The following ZNF366 variants were observed in gnomAD, a reference collection of about 807,000 sequenced individuals.
The protein encoded by ZNF366 is dendritic cell-specific transcript protein.
Under a neutral mutation model 47.2 loss-of-function variants are expected in ZNF366, and 20 were observed. The ratio of observed to expected loss-of-function variants is 0.42; its 90% confidence interval spans 0.30 to 0.62. The LOEUF (loss-of-function observed/expected upper bound fraction) is 0.62, where lower values mean the gene tolerates loss of function less well. ZNF366 is among the 20% of genes least tolerant of loss of function. The pLI is 0.16. For synonymous variants in ZNF366, 421 were observed against 395.1 expected, an observed-to-expected ratio of 1.07 and a Z score of -0.78; for missense variants, 987 against 976.3, an observed-to-expected ratio of 1.01 and a Z score of -0.15.
In ZNF366 at chr5:72,444,063, C is replaced by A. The variant is rs1246503196; in HGVS notation, c.1928G>T (p.Cys643Phe). Residue 643 changes from cysteine (C) to phenylalanine (F), a missense_variant, in exon 5 of 5, where the codon TGC (cysteine) becomes TTC (phenylalanine). This residue lies in a region of ZNF366 where 285 missense variants were observed against 234.8 expected (regional missense o/e 1.21). Transcript: ENST00000318442. The stretch of plus-strand genomic sequence containing the variant: ...CTTGGTGGACAGATCCTCGGGTGTG[C>A]AGAGCTGCTGGCTCTGGGGGGCCAG... Reference protein sequence around the residue: ...PGLAPQSQQLCTPEDLSTKSE... With the variant: ...PGLAPQSQQLFTPEDLSTKSE... 2 of 1,614,188 alleles carry A rather than the reference C, an allele frequency of 1.2e-6. No homozygotes were observed. The highest frequency in any genetic ancestry group is 1.7e-5 in the Admixed American group (1 of 60,032).
At chr5:72,462,547 C>CTTTCTTTCTTTCTTTCTTTCTTTT (rs11275151) in intron 1 of ZNF366, among the ~76,000 whole-genome samples, 33 of 78,922 alleles carry the variant, frequency 4.2e-4, no homozygotes, top group African/African-American at 1.9e-3. Flanking sequence ...TTCTTTCTTT[C>CTTTCTTTCTTTCTTTCTTTCTTTT]TTTTTTTTTT....
intron 3 of ZNF366, among the ~76,000 whole-genome samples, chr5:72,452,155 G>A (rs1290924444): frequency 6.6e-6 from 1 of 152,318 alleles, no homozygotes; most frequent in East Asian, 1.9e-4. Flanking sequence ...GAGAGCTGTG[G>A]CCTGCAGCTG....
intron 3 of ZNF366, 34 bp downstream of exon 3, chr5:72,456,370 A>C: frequency 6.4e-7 from 1 of 1,561,128 alleles, no homozygotes; most frequent in Non-Finnish European, 8.7e-7. Context: ...GCATTTGCAC[A>C]ACCCTCTGGT....
At chr5:72,471,312 A>G (rs1330765379) in intron 1 of ZNF366, among the ~76,000 whole-genome samples, 1 of 152,032 alleles carries the variant, frequency 6.6e-6, no homozygotes. Flanking sequence ...CCCACTTTAC[A>G]TTTTTATTGT....
At chr5:72,475,190 C>T (rs187397506) in intron 1 of ZNF366, among the ~76,000 whole-genome samples, 5 of 152,264 alleles carry the variant, frequency 3.3e-5, no homozygotes, top group East Asian at 1.9e-4. Context: ...TCCTGAAGCC[C>T]GCAGCCTGAA....
chr5:72,444,202 G>A lies in ZNF366; in HGVS notation c.1789C>T (p.Arg597Cys), dbSNP rs765206236. Reference sequence around the variant, plus strand: ...TGGAACACCGGCACCTTGGCCCGGCGCTTCTGAGAGAGGTCAAAGGGCTCC... The same window carrying A: ...TGGAACACCGGCACCTTGGCCCGGCACTTCTGAGAGAGGTCAAAGGGCTCC... ...QEEPFDLSQK[R>C]RAKVPVFQSD... The change falls in exon 5 of 5, where the codon CGC becomes TGC. Residue 597 changes from arginine to cysteine, a missense_variant. Physicochemically the swap from Arg to Cys is radical, Grantham distance 180. This residue lies in a region of ZNF366 where 285 missense variants were observed against 234.8 expected (regional missense o/e 1.21). Coordinates refer to ENST00000318442, the MANE Select transcript of ZNF366 (RefSeq NM_152625.3). 10 of 1,613,434 alleles carry A rather than the reference G, an allele frequency of 6.2e-6. No individual in the cohort carries two copies. The highest frequency in any genetic ancestry group is 2.7e-5 in the African/African-American group (2 of 75,034).
chr5:72,470,106 A>G (rs1052758700), intron 1 of ZNF366, among the ~76,000 whole-genome samples: 3 of 152,220 alleles, frequency 2.0e-5, no homozygotes, highest in Non-Finnish European at 4.4e-5. Context: ...CATTCTGGCC[A>G]TTAGAAAATA....
intron 1 of ZNF366, among the ~76,000 whole-genome samples, chr5:72,488,596 G>A (rs1743943685): frequency 6.6e-6 from 1 of 152,228 alleles, no homozygotes; most frequent in Admixed American, 6.5e-5. Context: ...CACATCGAAT[G>A]TGTTGAATCC....
rs574096849 is a variant in ZNF366 at position 72,442,187 on chromosome 5, T to C, written c.*1569A>G. On this transcript the variant is annotated 3_prime_UTR_variant, in exon 5 of 5. Coordinates refer to ENST00000318442, the MANE Select transcript of ZNF366 (RefSeq NM_152625.3). ...CAGGTAAGAAAGCCTAAGTCAGCAG[T>C]ATGATTGTGAGGTCTCCTATTCTCA... 6.6e-6 allele frequency: 1 copy of C among 152,334 alleles called. No individual in the cohort carries two copies. Among genetic ancestry groups the C allele is most frequent in the East Asian group, 1.9e-4 (1 of 5,190 alleles). The allele number at this position is 152,334 out of a possible 1,614,324, so 9.4% of individuals were successfully genotyped here. A position where few individuals can be genotyped will look rare whatever the true frequency, so the allele number is the denominator to read the frequency against.
intron 1 of ZNF366, among the ~76,000 whole-genome samples, chr5:72,476,921 G>A (rs1743685335): frequency 6.6e-6 from 1 of 151,978 alleles, no homozygotes; most frequent in Non-Finnish European, 1.5e-5. Flanking sequence ...CTTCTGAAAG[G>A]TCGGGCTGTG....
At chr5:72,485,598 T>A (rs1743875658) in intron 1 of ZNF366, among the ~76,000 whole-genome samples, 3 of 152,280 alleles carry the variant, frequency 2.0e-5, no homozygotes, top group African/African-American at 7.2e-5. Context: ...TCCTGACTCT[T>A]CTCCTGTCTT....
chr5:72,473,732 CGGG>C, intron 1 of ZNF366, among the ~76,000 whole-genome samples: 1 of 152,282 alleles, frequency 6.6e-6, no homozygotes, highest in Middle Eastern at 3.4e-3. Flanking sequence ...CACTGATCCC[CGGG>C]TTAAATGTAT....
In ZNF366 at chr5:72,442,340, AT is replaced by A. The variant is rs929791918; in HGVS notation, c.*1415del. The A allele has an allele frequency of 4.1e-4, 63 of 152,288 alleles. No homozygotes were observed. The highest frequency in any genetic ancestry group is 1.4e-3 in the African/African-American group (60 of 41,552). The allele number at this position is 152,288 out of a possible 1,614,324, so 9.4% of individuals were successfully genotyped here. On this transcript the variant is annotated 3_prime_UTR_variant, in exon 5 of 5. Coordinates refer to ENST00000318442, the MANE Select transcript of ZNF366 (RefSeq NM_152625.3). ...TTCTCAATCTTGGCTGCACATAAGA[AT>A]TGCCAGGAGCAATTTGGAAAATTTC...
intron 1 of ZNF366, among the ~76,000 whole-genome samples, chr5:72,462,791 T>C (rs1216480210): frequency 1.3e-5 from 2 of 152,132 alleles, no homozygotes; most frequent in East Asian, 3.9e-4. Context: ...TCTCAAGTGA[T>C]CCACCCGCCT....
intron 3 of ZNF366, among the ~76,000 whole-genome samples, chr5:72,449,209 A>G (rs1204817303): frequency 6.6e-6 from 1 of 151,558 alleles, no homozygotes; most frequent in African/African-American, 2.4e-5. Context: ...TGTATTTATT[A>G]GCTTAATTTG....
At chr5:72,457,600 T>C (rs1313367554) in intron 2 of ZNF366, among the ~76,000 whole-genome samples, 2 of 152,246 alleles carry the variant, frequency 1.3e-5, no homozygotes, top group African/African-American at 2.4e-5. Context: ...TATGTTTCCA[T>C]TTCTTTACTT....
intron 1 of ZNF366, among the ~76,000 whole-genome samples, chr5:72,485,750 C>G (rs1363092377): frequency 6.6e-6 from 1 of 152,188 alleles, no homozygotes; most frequent in Non-Finnish European, 1.5e-5. Flanking sequence ...CGCGCCGTGG[C>G]CTACAAGTCT....
intron 1 of ZNF366, among the ~76,000 whole-genome samples, chr5:72,474,647 C>T (rs1296049363): frequency 6.6e-6 from 1 of 151,188 alleles, no homozygotes; most frequent in Non-Finnish European, 1.5e-5. Flanking sequence ...CAAATGTACA[C>T]CCATGCACAC....
At chr5:72,456,678 GC>G in intron 2 of ZNF366, 83 bp from the exon 3 acceptor site, 1 of 1,371,180 alleles carries the variant, frequency 7.3e-7, no homozygotes, top group South Asian at 1.7e-5. Context: ...TTTCCTCTCT[GC>G]CACATAAATC....
Sources: allele counts gnomAD v4.1 joint callset (sites outside exome capture counted in the v4.1 genomes callset), GRCh38; gene constraint gnomAD v4.1.1; regional missense constraint gnomAD v4.1.1; transcripts MANE v1.5; gene names NCBI Gene and HGNC (gene_info 2026-07-23, HGNC 2026-07-21).